The following VPS13B variants were observed in gnomAD, a reference collection of about 807,000 sequenced individuals.
VPS13B encodes the protein intermembrane lipid transfer protein VPS13B.
In VPS13B, 285 loss-of-function variants were observed where a neutral mutation model predicts 426.4. The ratio of observed to expected loss-of-function variants is 0.67; its 90% CI spans 0.61 to 0.74. The LOEUF is 0.74. VPS13B is among the 30% of genes least tolerant of loss of function. The pLI, the probability that VPS13B is intolerant of heterozygous loss-of-function variation, is 0.00. For synonymous variants in VPS13B, 1,676 were observed against 1,676.4 expected, an observed-to-expected ratio of 1.00 and a Z score of 0.01; for missense variants, 4,537 against 4,782.6, an observed-to-expected ratio of 0.95 and a Z score of 1.51.
At chr8:99,199,846 C>A (rs1194618733) in intron 17 of VPS13B, among the ~76,000 whole-genome samples, 3 of 151,108 alleles carry the variant, frequency 2.0e-5, no homozygotes, top group Admixed American at 2.0e-4. Flanking sequence ...TCTTTCTTTT[C>A]CTTTCCCTTC....
intron 33 of VPS13B, among the ~76,000 whole-genome samples, chr8:99,602,232 C>G (rs536418982): frequency 6.6e-6 from 1 of 152,144 alleles, no homozygotes; most frequent in Non-Finnish European, 1.5e-5. Flanking sequence ...CCAGTTTTCC[C>G]AACACCATTT....
At chr8:99,641,762 C>T (rs1028704809) in intron 33 of VPS13B, 49 bp from the exon 34 acceptor site, 2 of 1,531,744 alleles carry the variant, frequency 1.3e-6, no homozygotes, top group Middle Eastern at 1.7e-4. Flanking sequence ...GTTTATATGA[C>T]ACTTGGCATG....
At chr8:99,736,498 CAGG>C in intron 39 of VPS13B, among the ~76,000 whole-genome samples, 1 of 152,164 alleles carries the variant, frequency 6.6e-6, no homozygotes, top group East Asian at 1.9e-4. Context: ...CACTTGAAAT[CAGG>C]AGGCAGATGT....
chr8:99,130,354 G>A (rs2132543068), intron 8 of VPS13B, among the ~76,000 whole-genome samples: 1 of 149,218 alleles, frequency 6.7e-6, no homozygotes. Context: ...ATTTTTCTAA[G>A]AATGTTTAAA....
intron 15 of VPS13B, among the ~76,000 whole-genome samples, chr8:99,165,341 G>A (rs981094339): frequency 2.0e-5 from 3 of 151,934 alleles, no homozygotes; most frequent in Admixed American, 6.6e-5. Flanking sequence ...TCCTCTCCCC[G>A]AGAGATGACA....
chr8:99,626,502 T>A (rs990755144), intron 33 of VPS13B, among the ~76,000 whole-genome samples: 5 of 152,144 alleles, frequency 3.3e-5, no homozygotes, highest in Non-Finnish European at 5.9e-5. Context: ...TTGGAAGGGG[T>A]GATAAAATGT....
intron 49 of VPS13B, 98 bp downstream of exon 49, chr8:99,820,220 T>G: frequency 8.2e-7 from 1 of 1,223,230 alleles, no homozygotes; most frequent in South Asian, 1.3e-5. Context: ...GAATCAGTTG[T>G]GAAAAATTCT....
In VPS13B at chr8:99,191,400, T is replaced by C. The variant is rs1311143476; in HGVS notation, c.2334-1476T>C. Among the ~76,000 whole-genome samples, 6 of 143,744 alleles carry C rather than the reference T, an allele frequency of 4.2e-5. No homozygotes were observed. In the East Asian group the frequency reaches 1.2e-3, roughly 28 times the overall value. 94.3% of individuals were successfully genotyped at this position (143,744 alleles called of 152,430 possible). On this transcript the variant is annotated intron_variant, in intron 16 of 61. Coordinates refer to ENST00000357162, the MANE Select transcript of VPS13B (RefSeq NM_152564.5). ...TCTTTTTTTTTTTTTTTTTTTTTTT[T>C]TGAGACGGAGTCTGTCTCTGTCGCC...
chr8:99,696,426 C>T (rs948060736), intron 35 of VPS13B: 4 of 355,454 alleles, frequency 1.1e-5, no homozygotes, highest in South Asian at 2.4e-5. Context: ...TCCTTGACAG[C>T]CACACCCTGA....
At chr8:99,653,312 T>C (rs1264562234) in intron 34 of VPS13B, among the ~76,000 whole-genome samples, 1 of 152,204 alleles carries the variant, frequency 6.6e-6, no homozygotes, top group Non-Finnish European at 1.5e-5. Context: ...TGACTCCCAT[T>C]GTAATCATCA....
intron 33 of VPS13B, among the ~76,000 whole-genome samples, chr8:99,617,202 C>A (rs944043456): frequency 6.6e-6 from 1 of 152,166 alleles, no homozygotes; most frequent in South Asian, 2.1e-4. Flanking sequence ...AAAATAATTT[C>A]TCACATAGAT....
intron 17 of VPS13B, among the ~76,000 whole-genome samples, chr8:99,250,037 G>A (rs1237475229): frequency 6.6e-6 from 1 of 152,076 alleles, no homozygotes; most frequent in East Asian, 1.9e-4. Context: ...TAATTTTGCT[G>A]CTGTTTTTTT....
chr8:99,872,399 G>A (rs900285791), intron 61 of VPS13B, among the ~76,000 whole-genome samples: 1 of 152,144 alleles, frequency 6.6e-6, no homozygotes, highest in Admixed American at 6.5e-5. Context: ...AATCCCCCCT[G>A]GGGATGATAC....
intron 25 of VPS13B, among the ~76,000 whole-genome samples, chr8:99,501,233 TA>T (rs1419249922): frequency 6.6e-6 from 1 of 152,240 alleles, no homozygotes; most frequent in Non-Finnish European, 1.5e-5. Context: ...GGCTGGTTAG[TA>T]AATACCTTTG....
intron 3 of VPS13B, among the ~76,000 whole-genome samples, chr8:99,044,803 C>T (rs1374461821): frequency 6.6e-6 from 1 of 151,302 alleles, no homozygotes; most frequent in Non-Finnish European, 1.5e-5. Context: ...CAGGTCACTA[C>T]AAATGCCATT....
At chr8:99,750,222 G>A (rs1474259082) in intron 39 of VPS13B, among the ~76,000 whole-genome samples, 1 of 152,052 alleles carries the variant, frequency 6.6e-6, no homozygotes, top group Admixed American at 6.6e-5. Flanking sequence ...CTCTGAAATA[G>A]CAAACACATT....
chr8:99,282,161 C>A (rs1052398690), intron 19 of VPS13B, among the ~76,000 whole-genome samples: 1 of 152,140 alleles, frequency 6.6e-6, no homozygotes, highest in African/African-American at 2.4e-5. Flanking sequence ...TTCTTCCCTG[C>A]ACATGGTTGA....
chr8:99,095,211 C>G (rs1335195120), intron 3 of VPS13B, among the ~76,000 whole-genome samples: 2 of 152,170 alleles, frequency 1.3e-5, no homozygotes, highest in Non-Finnish European at 2.9e-5. Context: ...AATCCTGAAA[C>G]AGGTCAACTA....
intron 33 of VPS13B, among the ~76,000 whole-genome samples, chr8:99,605,243 G>A (rs1827515137): frequency 6.6e-6 from 1 of 152,154 alleles, no homozygotes; most frequent in Admixed American, 6.5e-5. Flanking sequence ...GAGATGAGTT[G>A]GAGCAACTAG....
Sources: gnomAD v4.1 joint callset for allele counts (sites outside exome capture counted in the v4.1 genomes callset) on GRCh38, gnomAD v4.1.1 for gene constraint, MANE v1.5 for transcripts, NCBI Gene and HGNC (gene_info 2026-07-23, HGNC 2026-07-21) for gene names.